Variants in CELF2 observed in about 807,000 individuals in gnomAD.
The protein encoded by CELF2 is CUG triplet repeat RNA-binding protein 2.
CELF2 carries 8 observed loss-of-function variants against 62.6 expected under a neutral mutation model. The observed-to-expected ratio is 0.13, with a 90% CI of 0.07 to 0.23. The LOEUF is 0.23. Among genes scored for constraint, CELF2 ranks in the 10% least tolerant of loss-of-function variants. CELF2 has a pLI of 1.00. For synonymous variants in CELF2, 258 were observed against 250.0 expected (o/e 1.03, Z -0.30); for missense variants, 333 against 671.0 (o/e 0.50, Z 5.56).
At chr10:10,543,977 C>T in the CELF2 span, among the ~76,000 whole-genome samples, 7 of 152,268 alleles carry the variant, frequency 4.6e-5, no homozygotes, top group African/African-American at 1.2e-4. Flanking sequence ...CTTTCTAACA[C>T]GCAGTTAATA....
chr10:10,923,401 A>G (rs2065106800), intron 2 of CELF2, among the ~76,000 whole-genome samples: 1 of 152,200 alleles, frequency 6.6e-6, no homozygotes, highest in South Asian at 2.1e-4. Flanking sequence ...GAGTATTTCC[A>G]CCGTAATTAC....
At chr10:11,021,279 T>A (rs1227551287) in intron 1 of CELF2, among the ~76,000 whole-genome samples, 2 of 152,080 alleles carry the variant, frequency 1.3e-5, no homozygotes, top group East Asian at 3.8e-4. Flanking sequence ...TAAAAATAAA[T>A]TTTTTTTACA....
chr10:11,282,872 C>T (rs1430847998), intron 8 of CELF2, among the ~76,000 whole-genome samples: 1 of 152,230 alleles, frequency 6.6e-6, no homozygotes, highest in Non-Finnish European at 1.5e-5. Context: ...CCTGGTGTCA[C>T]CAGTGGAGCT....
At chr10:10,655,594 C>G in the CELF2 span, among the ~76,000 whole-genome samples, 3 of 117,486 alleles carry the variant, frequency 2.6e-5, no homozygotes, top group Non-Finnish European at 3.8e-5. Flanking sequence ...TGATCTTTGA[C>G]AAACCTGAGA....
At chr10:11,148,696 A>G (rs894928494) in intron 1 of CELF2, among the ~76,000 whole-genome samples, 1 of 152,232 alleles carries the variant, frequency 6.6e-6, no homozygotes, top group Non-Finnish European at 1.5e-5. Flanking sequence ...GCTTTCATAC[A>G]TAAGTGGTTC....
At chr10:10,908,466 C>T (rs549169131) in intron 1 of CELF2, among the ~76,000 whole-genome samples, 4 of 151,608 alleles carry the variant, frequency 2.6e-5, no homozygotes, top group Admixed American at 6.6e-5. Context: ...GTGATCTGCC[C>T]GCCTCGGCCT....
intron 9 of CELF2, among the ~76,000 whole-genome samples, chr10:11,313,790 TA>T (rs60108238): frequency 0.41 from 59,206 of 143,596 alleles, 11,839 homozygotes; most frequent in Admixed American, 0.46. Flanking sequence ...CCCATAGGCT[TA>T]AAAAAAAAAA....
chr10:11,157,306 C>T lies in CELF2; in HGVS notation c.75-8180C>T, dbSNP rs757615261. On this transcript the variant is annotated intron_variant, in intron 1 of 12. Transcript: ENST00000633077. The surrounding 1 kb of genome is among the most constrained non-coding windows in gnomAD (Gnocchi z 4.9). Reference sequence around the variant, plus strand: ...CTTGTTAGAGCCGCCTTTTTCTCCCCAGTTTTTTGTTTCGTTTCAATGCCA... The same window carrying T: ...CTTGTTAGAGCCGCCTTTTTCTCCCTAGTTTTTTGTTTCGTTTCAATGCCA... 1.3e-5 allele frequency among the ~76,000 whole-genome samples: 2 copies of T among 152,136 alleles called. No homozygotes were observed. The highest frequency in any genetic ancestry group is 2.9e-5 in the Non-Finnish European group (2 of 68,036).
In CELF2 at chr10:11,211,789, TGTGA is replaced by T. The variant is rs1351043417; in HGVS notation, c.272-5634_272-5631del. On this transcript the variant is annotated intron_variant, in intron 2 of 12. Coordinates refer to ENST00000633077, the MANE Select transcript of CELF2 (RefSeq NM_001326342.2). This position sits in a 1 kb window ranked among gnomAD's most constrained non-coding sequence, Gnocchi z 4.8. ...GTGAGTGAGAGTGTGTGTGTATGTGTGTGAGAGAGAGAGAGAGAGAGAGAGTGTG... is the reference window on the plus strand; with the variant it reads ...GTGAGTGAGAGTGTGTGTGTATGTGTGAGAGAGAGAGAGAGAGAGAGTGTG... Among the ~76,000 whole-genome samples, 8 of 88,122 alleles carry T rather than the reference TGTGA, an allele frequency of 9.1e-5. No individual in the cohort carries two copies. Among genetic ancestry groups the T allele is most frequent in the African/African-American group, 3.8e-4 (8 of 21,318 alleles). 57.8% of individuals were successfully genotyped at this position (88,122 alleles called of 152,430 possible).
intron 3 of CELF2, among the ~76,000 whole-genome samples, chr10:11,222,124 CTG>C (rs149689151): frequency 0.084 from 12,846 of 152,242 alleles, 549 homozygotes; most frequent in Middle Eastern, 0.15. Context: ...GAGTTGGCCT[CTG>C]TGTTCTTTCC....
At chr10:10,824,125 A>T (rs1453058965) in intron 1 of CELF2, among the ~76,000 whole-genome samples, 1 of 152,166 alleles carries the variant, frequency 6.6e-6, no homozygotes, top group African/African-American at 2.4e-5. Context: ...TACCATTTGG[A>T]ATTTGTTTCT....
At chr10:10,627,383 A>G in the CELF2 span, among the ~76,000 whole-genome samples, 1 of 152,246 alleles carries the variant, frequency 6.6e-6, no homozygotes, top group Non-Finnish European at 1.5e-5. Flanking sequence ...AAATGGTCTC[A>G]GAACTGCTTC....
intron 1 of CELF2, among the ~76,000 whole-genome samples, chr10:11,158,136 C>T (rs1157584854): frequency 6.6e-6 from 1 of 152,198 alleles, no homozygotes; most frequent in Non-Finnish European, 1.5e-5. Context: ...AAACCAGTCT[C>T]CTGTCAATCA....
chr10:10,669,293 T>C, the CELF2 span, among the ~76,000 whole-genome samples: 1 of 152,192 alleles, frequency 6.6e-6, no homozygotes, highest in Non-Finnish European at 1.5e-5. Context: ...AGAATATATG[T>C]GTTGCTATTT....
the CELF2 span, among the ~76,000 whole-genome samples, chr10:10,688,537 C>T: frequency 6.6e-6 from 1 of 152,180 alleles, no homozygotes; most frequent in East Asian, 1.9e-4. Context: ...GATGCATGTC[C>T]AGTACAGAGA....
intron 1 of CELF2, among the ~76,000 whole-genome samples, chr10:11,085,602 C>T (rs1274218380): frequency 1.3e-5 from 2 of 151,728 alleles, no homozygotes; most frequent in Admixed American, 1.3e-4. Flanking sequence ...ACAGATGGGC[C>T]GTTGAGGCAC....
exon 1 of CELF2, chr10:10,798,756 T>C (rs1420278280): frequency 2.5e-6 from 1 of 398,652 alleles, no homozygotes; most frequent in African/African-American, 2.1e-5. Flanking sequence ...CTCAGCCGGC[T>C]CCTAGACAAT....
At chr10:10,771,521 C>T in the CELF2 span, among the ~76,000 whole-genome samples, 1 of 152,194 alleles carries the variant, frequency 6.6e-6, no homozygotes, top group Non-Finnish European at 1.5e-5. Flanking sequence ...GAGCTGTACT[C>T]CCATAATTCC....
chr10:11,321,959 C>T lies in CELF2; in HGVS notation c.1294+573C>T, dbSNP rs1459619941. Among the ~76,000 whole-genome samples the T allele has an allele frequency of 2.6e-5, 4 of 152,190 alleles. No homozygotes were observed. In the South Asian group the frequency reaches 8.3e-4, roughly 31 times the overall value. ...TCCCCAAATATCCTCTCACTGCTCA[C>T]CCCCTGCCATAATTAAGTTCTATAA... On this transcript the variant is annotated intron_variant, in intron 11 of 12. Coordinates refer to ENST00000633077, the MANE Select transcript of CELF2 (RefSeq NM_001326342.2). The surrounding 1 kb of genome is among the most constrained non-coding windows in gnomAD (Gnocchi z 6.2).
Sources: gnomAD v4.1 joint callset for allele counts (sites outside exome capture counted in the v4.1 genomes callset) on GRCh38, gnomAD v4.1.1 for gene constraint, Gnocchi (gnomAD v3.1) non-coding constraint, MANE v1.5 for transcripts, NCBI Gene and HGNC (gene_info 2026-07-23, HGNC 2026-07-21) for gene names.